The following DMD variants were observed in gnomAD, a reference collection of about 807,000 sequenced individuals.
DMD encodes dystrophin.
DMD carries 63 observed loss-of-function variants against 330.1 expected under a neutral mutation model. The observed-to-expected ratio is 0.19, with a 90% CI of 0.16 to 0.24. DMD has a LOEUF of 0.24. Among genes scored for constraint, DMD ranks in the 10% least tolerant of loss-of-function variants. The pLI, the probability that DMD is intolerant of heterozygous loss-of-function variation, is 1.00. For synonymous variants in DMD, 1,223 were observed against 959.8 expected (o/e 1.27, Z -5.07); for missense variants, 3,344 against 2,684.1 (o/e 1.25, Z -5.43).
chrX:32,788,059 TA>T (rs1355393198), intron 7 of DMD, among the ~76,000 whole-genome samples: 2 of 111,629 alleles, frequency 1.8e-5, no homozygotes, highest in African/African-American at 6.5e-5. Flanking sequence ...TCCAGTGGCC[TA>T]AAACTAATAA....
At chrX:32,033,623 A>G (rs866308646) in intron 44 of DMD, among the ~76,000 whole-genome samples, 852 of 58,334 alleles carry the variant, frequency 0.015, 10 homozygotes, top group Middle Eastern at 0.028. Flanking sequence ...GAAAGAAAGA[A>G]AGAAAGAAAG....
intron 48 of DMD, among the ~76,000 whole-genome samples, chrX:31,857,029 T>G (rs1455694119): frequency 2.7e-5 from 3 of 111,539 alleles, no homozygotes; most frequent in African/African-American, 6.5e-5. Flanking sequence ...TATACATTAT[T>G]GTGAGTGCTT....
chrX:32,378,614 A>C (rs1347466761), intron 34 of DMD, among the ~76,000 whole-genome samples: 2 of 110,614 alleles, frequency 1.8e-5, no homozygotes, highest in Non-Finnish European at 3.8e-5. Context: ...TCTTGGGTCA[A>C]CAGAACTGGG....
At chrX:31,308,523 A>T (rs2055221967) in intron 62 of DMD, among the ~76,000 whole-genome samples, 2 of 111,668 alleles carry the variant, frequency 1.8e-5, no homozygotes, top group Non-Finnish European at 3.8e-5. Flanking sequence ...TCTAGAATTT[A>T]AAAAAATAAC....
At chrX:33,051,387 T>G in intron 1 of DMD, among the ~76,000 whole-genome samples, 1 of 107,702 alleles carries the variant, frequency 9.3e-6, no homozygotes, top group African/African-American at 3.4e-5. Context: ...AATTGTTGTA[T>G]TTTTAGTAGA....
chrX:32,065,234 G>A (rs757907372), intron 44 of DMD, among the ~76,000 whole-genome samples: 1 of 111,495 alleles, frequency 9.0e-6, no homozygotes, highest in East Asian at 2.8e-4. Flanking sequence ...ATGTCAAAAA[G>A]ACTAATGCAA....
At chrX:32,389,857 GT>G (rs1569560752) in intron 31 of DMD, among the ~76,000 whole-genome samples, 183 bp from the exon 32 acceptor site, 1 of 111,610 alleles carries the variant, frequency 9.0e-6, no homozygotes. Flanking sequence ...TGATTCAGTA[GT>G]TTTTTCTTAA....
chrX:32,130,669 G>T (rs2096687873), intron 44 of DMD, among the ~76,000 whole-genome samples: 1 of 111,574 alleles, frequency 9.0e-6, no homozygotes, highest in African/African-American at 3.3e-5. Flanking sequence ...AGTAGGCTAA[G>T]TTGACTATGC....
In DMD at chrX:33,197,694, T is replaced by C. The variant is rs2051026967; in HGVS notation, c.31+13588A>G. Among the ~76,000 whole-genome samples the C allele has an allele frequency of 2.7e-5, 3 of 112,068 alleles. No individual in the cohort carries two copies. In the Admixed American group the frequency reaches 2.9e-4, roughly 11 times the overall value. On this transcript the variant is annotated intron_variant, in intron 1 of 78. Coordinates refer to ENST00000357033, the MANE Select transcript of DMD (RefSeq NM_004006.3). ...TTATATACAAGAAATAACACAGTATTTAACCTTTGACTTTTTTTTGCTCAA... is the reference window on the plus strand; with the variant it reads ...TTATATACAAGAAATAACACAGTATCTAACCTTTGACTTTTTTTTGCTCAA...
chrX:32,168,757 A>C (rs2096877469), intron 44 of DMD, among the ~76,000 whole-genome samples: 1 of 111,194 alleles, frequency 9.0e-6, no homozygotes, highest in Admixed American at 9.6e-5. Flanking sequence ...TCCTTGAACT[A>C]TTAAGTTTTC....
chrX:31,143,172 T>C (rs2036280601), intron 76 of DMD, among the ~76,000 whole-genome samples: 1 of 111,528 alleles, frequency 9.0e-6, no homozygotes, highest in Non-Finnish European at 1.9e-5. Context: ...TATGGTTTGG[T>C]TCTGTGTCCC....
chrX:32,764,241 T>C (rs1490694899), intron 7 of DMD, among the ~76,000 whole-genome samples: 1 of 111,557 alleles, frequency 9.0e-6, no homozygotes, highest in Non-Finnish European at 1.9e-5. Flanking sequence ...ATCCAACACT[T>C]ATGAATCCAA....
At chrX:32,879,018 C>CAAAAAAAAAAA (rs1201402428) in intron 2 of DMD, among the ~76,000 whole-genome samples, 1 of 95,349 alleles carries the variant, frequency 1.0e-5, no homozygotes, top group African/African-American at 3.9e-5. Context: ...AAAAAAAAAA[C>CAAAAAAAAAAA]AAAAAACAAA....
rs1161800352 is a variant in DMD, at chrX:32,759,850, G to C, written c.649+49643C>G. On this transcript the variant is annotated intron_variant, in intron 7 of 78. Transcript: ENST00000357033. The stretch of plus-strand genomic sequence containing the variant: ...GCAGATGCAGGTTTTTCTTGGGGGG[G>C]GGGGGGGGGCGGGGGAAGACCCAGG... Among the ~76,000 whole-genome samples, 69 of 61,161 alleles carry C rather than the reference G, an allele frequency of 1.1e-3. 1 individual carries two copies. Among genetic ancestry groups the C allele is most frequent in the African/African-American group, 4.6e-3 (59 of 12,869 alleles). 53.1% of individuals were successfully genotyped at this position (61,161 alleles called of 115,157 possible).
intron 55 of DMD, among the ~76,000 whole-genome samples, chrX:31,541,445 C>T (rs901940346): frequency 3.7e-5 from 4 of 107,913 alleles, no homozygotes; most frequent in African/African-American, 1.3e-4. Context: ...CCCATTAACT[C>T]GTCATTTACA....
intron 41 of DMD, among the ~76,000 whole-genome samples, chrX:32,340,329 C>T (rs1009124965): frequency 1.8e-5 from 2 of 111,703 alleles, no homozygotes; most frequent in African/African-American, 6.5e-5. Context: ...ATATATAAAA[C>T]TTAAGAATAA....
chrX:32,981,776 C>A (rs2092713072), intron 2 of DMD, among the ~76,000 whole-genome samples: 2 of 110,656 alleles, frequency 1.8e-5, no homozygotes, highest in African/African-American at 6.6e-5. Context: ...GAAAATAGTG[C>A]ATATATATTA....
intron 51 of DMD, among the ~76,000 whole-genome samples, chrX:31,761,164 C>T (rs1308883505): frequency 9.0e-6 from 1 of 110,786 alleles, no homozygotes; most frequent in Non-Finnish European, 1.9e-5. Flanking sequence ...GGATTACAGG[C>T]GTGAGCCACC....
chrX:32,076,663 G>GC (rs1211551749), intron 44 of DMD, among the ~76,000 whole-genome samples: 1 of 111,824 alleles, frequency 8.9e-6, no homozygotes, highest in Non-Finnish European at 1.9e-5. Flanking sequence ...ACAGGCGTGA[G>GC]CCACCCTGCC....
Sources: allele counts gnomAD v4.1 joint callset (sites outside exome capture counted in the v4.1 genomes callset), GRCh38; gene constraint gnomAD v4.1.1; transcripts MANE v1.5; gene names NCBI Gene and HGNC (gene_info 2026-07-23, HGNC 2026-07-21).